The following PRKCH variants were observed in gnomAD, a reference collection of about 807,000 sequenced individuals.
PRKCH encodes protein kinase C eta type.
A neutral mutation model predicts 82.5 loss-of-function variants in PRKCH; 28 were observed. That is an observed-to-expected ratio of 0.34 (90% CI 0.25 to 0.47). The LOEUF (loss-of-function observed/expected upper bound fraction) is 0.47, where lower values mean the gene tolerates loss of function less well. Among genes scored for constraint, PRKCH ranks in the 20% least tolerant of loss-of-function variants. The probability of loss-of-function intolerance (pLI) is 1.00; values close to 1 mark genes in which losing one functional copy is unlikely to be tolerated. For synonymous variants in PRKCH, 322 were observed against 327.4 expected, an observed-to-expected ratio of 0.98 and a Z score of 0.18; for missense variants, 705 against 881.8, an observed-to-expected ratio of 0.80 and a Z score of 2.54.
intron 10 of PRKCH, among the ~76,000 whole-genome samples, chr14:61,519,221 G>A (rs1341210963): frequency 6.6e-6 from 1 of 152,150 alleles, no homozygotes; most frequent in African/African-American, 2.4e-5. Flanking sequence ...GGTCGTGGCT[G>A]CAGTGAGCTA....
intron 1 of PRKCH, among the ~76,000 whole-genome samples, chr14:61,355,930 A>G (rs1272451214): frequency 6.6e-6 from 1 of 152,218 alleles, no homozygotes; most frequent in Non-Finnish European, 1.5e-5. Context: ...TTTCCATGAT[A>G]GATCTTCTTA....
chr14:61,274,251 T>G (rs2045183699), intron 1 of PRKCH, among the ~76,000 whole-genome samples: 1 of 152,216 alleles, frequency 6.6e-6, no homozygotes, highest in African/African-American at 2.4e-5. Context: ...GGTTAGGGCC[T>G]CTTTAAATCA....
rs536351380 is a variant in PRKCH at position 61,200,352 on chromosome 14, G to T, written c.-19+12684G>T. The stretch of plus-strand genomic sequence containing the variant: ...CAGTCCACTGGGTTTCAGGAAAACA[G>T]GAACACTCATATGCTACTGTTTAAG... On this transcript the variant is annotated intron_variant, in intron 1 of 3. Coordinates refer to the PRKCH transcript ENST00000555185. Among the ~76,000 whole-genome samples, 8 of 152,110 alleles carry T rather than the reference G, an allele frequency of 5.3e-5. No individual in the cohort carries two copies. In the South Asian group the frequency reaches 1.7e-3, roughly 32 times the overall value.
intron 1 of PRKCH, among the ~76,000 whole-genome samples, chr14:61,283,090 A>G (rs1261668524): frequency 2.0e-5 from 3 of 151,514 alleles, no homozygotes; most frequent in Non-Finnish European, 4.4e-5. Flanking sequence ...GGCTTGTCTC[A>G]AACTCTTGAG....
chr14:61,233,034 G>A (rs1435474227), intron 1 of PRKCH, among the ~76,000 whole-genome samples: 1 of 152,108 alleles, frequency 6.6e-6, no homozygotes, highest in African/African-American at 2.4e-5. Flanking sequence ...ACATCAAAAG[G>A]ATATAAAAAC....
intron 1 of PRKCH, chr14:61,361,126 A>G (rs2046219468): frequency 1.3e-5 from 2 of 152,242 alleles, no homozygotes; most frequent in Non-Finnish European, 2.9e-5. Context: ...TTGATTTCAC[A>G]TCAGTGGGTT....
intron 3 of PRKCH, among the ~76,000 whole-genome samples, chr14:61,445,015 G>A (rs1293944022): frequency 1.3e-5 from 2 of 152,154 alleles, no homozygotes; most frequent in Non-Finnish European, 2.9e-5. Flanking sequence ...CTTTTTGTGA[G>A]GATTAAATGA....
intron 2 of PRKCH, among the ~76,000 whole-genome samples, chr14:61,425,842 A>G (rs767234166): frequency 6.6e-6 from 1 of 151,118 alleles, no homozygotes; most frequent in Admixed American, 6.6e-5. Flanking sequence ...AGGTGATTAG[A>G]TCATGGGGGG....
chr14:61,188,873 C>T (rs1175877397), intron 1 of PRKCH, among the ~76,000 whole-genome samples: 2 of 151,976 alleles, frequency 1.3e-5, no homozygotes, highest in African/African-American at 4.8e-5. Flanking sequence ...GCGCCTGCCA[C>T]CACGCCCGGC....
chr14:61,433,747 GAT>G (rs1371827062), intron 2 of PRKCH, among the ~76,000 whole-genome samples: 1 of 152,166 alleles, frequency 6.6e-6, no homozygotes, highest in Non-Finnish European at 1.5e-5. Context: ...CTTTTAAAAA[GAT>G]ATGAAAAGAT....
chr14:61,400,572 T>C (rs142069922), intron 2 of PRKCH, among the ~76,000 whole-genome samples: 98 of 152,310 alleles, frequency 6.4e-4, no homozygotes, highest in African/African-American at 2.3e-3. Context: ...TTGAGACTAA[T>C]TGTCCCTTGT....
In PRKCH at chr14:61,434,224, T is replaced by C. The variant is rs867390927; in HGVS notation, c.428-8887T>C. ...AAGTATATAAAACCAGGATACATTATCTTGTTTAAGCTTGGAGTTGACAAT... is the reference window on the plus strand; with the variant it reads ...AAGTATATAAAACCAGGATACATTACCTTGTTTAAGCTTGGAGTTGACAAT... On this transcript the variant is annotated intron_variant, in intron 2 of 13. Transcript: ENST00000332981. Among the ~76,000 whole-genome samples, 4 of 152,348 alleles carry C rather than the reference T, an allele frequency of 2.6e-5. No homozygotes were observed. In the Middle Eastern group the frequency reaches 0.01, roughly 389 times the overall value.
At chr14:61,308,588 C>G (rs886414847) in intron 1 of PRKCH, among the ~76,000 whole-genome samples, 1 of 152,134 alleles carries the variant, frequency 6.6e-6, no homozygotes, top group Non-Finnish European at 1.5e-5. Context: ...TGTTATTTTT[C>G]AAGTGTTCCT....
chr14:61,450,109 A>C (rs990611335), intron 5 of PRKCH, among the ~76,000 whole-genome samples: 4 of 152,212 alleles, frequency 2.6e-5, no homozygotes, highest in African/African-American at 9.7e-5. Flanking sequence ...TAGGATTGCT[A>C]AAGAGTATAC....
chr14:61,402,765 C>G (rs1441459524), intron 2 of PRKCH, among the ~76,000 whole-genome samples: 2 of 150,876 alleles, frequency 1.3e-5, no homozygotes, highest in Non-Finnish European at 1.5e-5. Context: ...TGCCACTGCA[C>G]TCCAGCCTGG....
intron 1 of PRKCH, among the ~76,000 whole-genome samples, chr14:61,283,018 G>A (rs1048581252): frequency 3.3e-5 from 5 of 151,420 alleles, no homozygotes; most frequent in African/African-American, 1.2e-4. Context: ...AAGGAATTCA[G>A]TTTTCACAAC....
chr14:61,470,803 C>T (rs1329168446), intron 9 of PRKCH, among the ~76,000 whole-genome samples: 1 of 152,054 alleles, frequency 6.6e-6, no homozygotes, highest in African/African-American at 2.4e-5. Flanking sequence ...TAATATATAA[C>T]TCCCAACCAA....
At chr14:61,204,011 G>C (rs1299759034) in intron 1 of PRKCH, among the ~76,000 whole-genome samples, 1 of 152,022 alleles carries the variant, frequency 6.6e-6, no homozygotes, top group Non-Finnish European at 1.5e-5. Context: ...GCATAGAAAA[G>C]TTTAAGAAAC....
intron 1 of PRKCH, among the ~76,000 whole-genome samples, chr14:61,369,214 G>A (rs978061993): frequency 1.3e-5 from 2 of 152,096 alleles, no homozygotes; most frequent in Non-Finnish European, 2.9e-5. Context: ...GTATCACCGG[G>A]AGGGTTTGTT....
Sources: allele counts gnomAD v4.1 joint callset (sites outside exome capture counted in the v4.1 genomes callset), GRCh38; gene constraint gnomAD v4.1.1; transcripts MANE v1.5; gene names NCBI Gene and HGNC (gene_info 2026-07-23, HGNC 2026-07-21).